The following TBC1D22A variants were observed in gnomAD, a reference collection of about 807,000 sequenced individuals.
TBC1D22A encodes the protein putative GTPase activator.
A neutral mutation model predicts 60.2 loss-of-function variants in TBC1D22A; 38 were observed. That is an observed-to-expected ratio of 0.63 (90% confidence interval 0.49 to 0.83). The LOEUF (loss-of-function observed/expected upper bound fraction) is 0.83, where lower values mean the gene tolerates loss of function less well. Among genes scored for constraint, TBC1D22A ranks in the 40% least tolerant of loss-of-function variants. The probability of loss-of-function intolerance (pLI) is 0.00; values close to 1 mark genes in which losing one functional copy is unlikely to be tolerated. For synonymous variants in TBC1D22A, 302 were observed against 281.7 expected (o/e 1.07, Z -0.72); for missense variants, 628 against 701.0 (o/e 0.90, Z 1.18).
At chr22:47,158,191 C>T (rs149119091) in intron 12 of TBC1D22A, among the ~76,000 whole-genome samples, 249 of 152,306 alleles carry the variant, frequency 1.6e-3, no homozygotes, top group African/African-American at 5.5e-3. Flanking sequence ...AGTATGGCCT[C>T]GACCAGCACT....
Position 47,043,502 on chromosome 22 carries a change from T to G in TBC1D22A, c.1329+6304T>G, listed in dbSNP as rs1052328368. Among the ~76,000 whole-genome samples the G allele has an allele frequency of 3.3e-5, 5 of 152,194 alleles. No homozygotes were observed. In the South Asian group the frequency reaches 1.0e-3, roughly 31 times the overall value. Reference sequence around the variant, plus strand: ...GGGCCCTATCTAAGGCAGCAGCCCCTGCCACCTGCAATTTCGCAGCCCAGC... The same window carrying G: ...GGGCCCTATCTAAGGCAGCAGCCCCGGCCACCTGCAATTTCGCAGCCCAGC... On this transcript the variant is annotated intron_variant, in intron 11 of 12. Coordinates refer to ENST00000337137, the MANE Select transcript of TBC1D22A (RefSeq NM_014346.5).
At chr22:47,074,804 T>C (rs2064136166) in intron 11 of TBC1D22A, among the ~76,000 whole-genome samples, 1 of 152,190 alleles carries the variant, frequency 6.6e-6, no homozygotes, top group African/African-American at 2.4e-5. Flanking sequence ...AGATCAAGTC[T>C]GCACACCGCA....
chr22:47,168,646 C>T (rs2068299588), intron 12 of TBC1D22A, among the ~76,000 whole-genome samples: 1 of 152,140 alleles, frequency 6.6e-6, no homozygotes, highest in African/African-American at 2.4e-5. Context: ...ACTCAGAGCT[C>T]AGGGTCTCGA....
At chr22:46,831,448 T>G (rs1229331461) in intron 4 of TBC1D22A, among the ~76,000 whole-genome samples, 2 of 152,210 alleles carry the variant, frequency 1.3e-5, no homozygotes, top group African/African-American at 4.8e-5. Flanking sequence ...AGCACGTGGC[T>G]TGTGTGTTCC....
At chr22:47,171,257 G>A (rs1272828322) in intron 12 of TBC1D22A, among the ~76,000 whole-genome samples, 4 of 152,190 alleles carry the variant, frequency 2.6e-5, no homozygotes, top group African/African-American at 7.2e-5. Context: ...GCGTTTTCTC[G>A]AGGCAGGCGA....
chr22:46,862,180 T>C (rs2087927110), intron 4 of TBC1D22A, among the ~76,000 whole-genome samples: 1 of 152,184 alleles, frequency 6.6e-6, no homozygotes, highest in Non-Finnish European at 1.5e-5. Flanking sequence ...TGGAACGCGG[T>C]ATGGAACCTG....
chr22:47,110,309 G>C (rs534459715), intron 11 of TBC1D22A, among the ~76,000 whole-genome samples: 1 of 151,966 alleles, frequency 6.6e-6, no homozygotes, highest in Non-Finnish European at 1.5e-5. Context: ...GTGAAACCCC[G>C]TCTCTACTAA....
Position 47,156,508 on chromosome 22 carries a change from CAGTTGTT to C in TBC1D22A, c.1426-16987_1426-16981del, listed in dbSNP as rs146030001. On this transcript the variant is annotated intron_variant, in intron 12 of 12. Transcript: ENST00000337137. ...CATGGTGGGTGTGGAGGACACCTCA[CAGTTGTT>C]AGATCGATGCCTAGCTTGAGGCTGG... 2.2e-4 allele frequency among the ~76,000 whole-genome samples: 33 copies of C among 152,262 alleles called. No individual in the cohort carries two copies. The East Asian group carries it at 6.4e-3, about 29-fold the overall frequency.
At chr22:46,902,903 GTTGTCAATGAAA>G in intron 7 of TBC1D22A, among the ~76,000 whole-genome samples, 1 of 150,254 alleles carries the variant, frequency 6.7e-6, no homozygotes, top group African/African-American at 2.5e-5. Flanking sequence ...ATCATATACA[GTTGTCAATGAAA>G]CCACAGTTTG....
chr22:47,087,497 T>C (rs897805887), intron 11 of TBC1D22A, among the ~76,000 whole-genome samples: 6 of 152,204 alleles, frequency 3.9e-5, no homozygotes, highest in African/African-American at 1.4e-4. Flanking sequence ...AAACAGACTT[T>C]GAAGCAATTT....
At position 47,009,560 on chromosome 22, in the gene TBC1D22A, G is replaced by A. The variant is rs536102579; in HGVS notation, c.1201+11851G>A. Reference sequence around the variant, plus strand: ...TCATTGCCATCATCACCATCATTACGTCATCACCAGCATCATCATCACCAT... The same window carrying A: ...TCATTGCCATCATCACCATCATTACATCATCACCAGCATCATCATCACCAT... On this transcript the variant is annotated intron_variant, in intron 10 of 12. Transcript: ENST00000337137. The surrounding 1 kb of genome is among the most constrained non-coding windows in gnomAD (Gnocchi z 5.8). Among the ~76,000 whole-genome samples, 823 of 147,752 alleles carry A rather than the reference G, an allele frequency of 5.6e-3. 7 individuals are homozygous for A. Among genetic ancestry groups the A allele is most frequent in the African/African-American group, 0.019 (768 of 39,652 alleles).
intron 12 of TBC1D22A, among the ~76,000 whole-genome samples, chr22:47,165,937 C>T (rs150643312): frequency 5.1e-4 from 77 of 152,292 alleles, no homozygotes; most frequent in African/African-American, 1.9e-3. Context: ...CTCCCCGCGT[C>T]GCATGTCACC....
chr22:46,936,518 A>G (rs909922916), intron 8 of TBC1D22A, among the ~76,000 whole-genome samples: 2 of 152,286 alleles, frequency 1.3e-5, no homozygotes, highest in African/African-American at 4.8e-5. Flanking sequence ...CAGGGCCGGC[A>G]TTCCCATCCT....
chr22:46,800,044 T>G (rs1411560993), intron 4 of TBC1D22A, among the ~76,000 whole-genome samples: 2 of 152,136 alleles, frequency 1.3e-5, no homozygotes, highest in Non-Finnish European at 2.9e-5. Flanking sequence ...GCACCTCACT[T>G]TTTAAGGGAA....
intron 9 of TBC1D22A, among the ~76,000 whole-genome samples, chr22:46,994,407 C>T (rs1443113397): frequency 6.6e-6 from 1 of 152,194 alleles, no homozygotes; most frequent in Non-Finnish European, 1.5e-5. Flanking sequence ...CTTCGCCTCT[C>T]CCCGTTTTGG....
intron 11 of TBC1D22A, among the ~76,000 whole-genome samples, chr22:47,098,614 G>A (rs1363554743): frequency 6.6e-6 from 1 of 151,508 alleles, no homozygotes; most frequent in Admixed American, 6.6e-5. Context: ...GCATCTCCCC[G>A]ACTCCATGCA....
intron 11 of TBC1D22A, among the ~76,000 whole-genome samples, chr22:47,064,165 TG>T (rs2063680373): frequency 6.6e-6 from 1 of 152,210 alleles, no homozygotes; most frequent in Non-Finnish European, 1.5e-5. Context: ...GGAGCAGGGC[TG>T]ATGCGTTGCC....
intron 1 of TBC1D22A, among the ~76,000 whole-genome samples, chr22:46,790,121 C>T (rs900323970): frequency 2.0e-5 from 3 of 151,828 alleles, no homozygotes; most frequent in East Asian, 2.1e-4. Flanking sequence ...ATGTGGGTCT[C>T]GCTGGGCTAA....
chr22:46,898,811 T>A (rs1286230863), intron 7 of TBC1D22A, among the ~76,000 whole-genome samples: 1 of 152,226 alleles, frequency 6.6e-6, no homozygotes, highest in East Asian at 1.9e-4. Flanking sequence ...TGTAGCCATC[T>A]TATTTTGGAA....
Sources: gnomAD v4.1 joint callset for allele counts (sites outside exome capture counted in the v4.1 genomes callset) on GRCh38, gnomAD v4.1.1 for gene constraint, Gnocchi (gnomAD v3.1) non-coding constraint, MANE v1.5 for transcripts, NCBI Gene and HGNC (gene_info 2026-07-23, HGNC 2026-07-21) for gene names.